The following TMTC1 variants were observed in gnomAD, a reference collection of about 807,000 sequenced individuals.
The protein encoded by TMTC1 is protein O-mannosyl-transferase TMTC1.
In TMTC1, 73 loss-of-function variants were observed where a neutral mutation model predicts 104.8. The observed-to-expected ratio is 0.70, with a 90% CI of 0.58 to 0.85. TMTC1 has a LOEUF of 0.85. Ranked by LOEUF, TMTC1 falls within the 40% of genes least tolerant of loss-of-function variation. The pLI, the probability that TMTC1 is intolerant of heterozygous loss-of-function variation, is 0.00. For synonymous variants in TMTC1, 434 were observed against 428.7 expected (o/e 1.01, Z -0.15); for missense variants, 1,035 against 1,096.1 (o/e 0.94, Z 0.79).
At chr12:29,530,851 C>G (rs1479275167) in intron 11 of TMTC1, among the ~76,000 whole-genome samples, 1 of 152,182 alleles carries the variant, frequency 6.6e-6, no homozygotes. Flanking sequence ...CCTCAGAGCC[C>G]TTAGAGGGTC....
intron 5 of TMTC1, among the ~76,000 whole-genome samples, chr12:29,662,660 C>T (rs1016340679): frequency 2.5e-5 from 3 of 122,130 alleles, no homozygotes; most frequent in African/African-American, 9.8e-5. Context: ...GAGCGAGACT[C>T]CGTCTCAAAA....
intron 1 of TMTC1, among the ~76,000 whole-genome samples, chr12:29,775,437 G>A (rs140876261): frequency 5.3e-5 from 8 of 152,198 alleles, no homozygotes; most frequent in East Asian, 1.9e-4. Context: ...CCTCAGGTTC[G>A]ATCATTCATT....
At chr12:29,591,752 G>T (rs1325457999) in intron 7 of TMTC1, among the ~76,000 whole-genome samples, 8 of 152,174 alleles carry the variant, frequency 5.3e-5, no homozygotes, top group Admixed American at 3.9e-4. Flanking sequence ...CATTCGAAGA[G>T]AATTTAATAG....
At chr12:29,562,167 A>AACAATT (rs1028376291) in intron 9 of TMTC1, among the ~76,000 whole-genome samples, 69 of 152,326 alleles carry the variant, frequency 4.5e-4, no homozygotes, top group African/African-American at 1.6e-3. Context: ...TAATTGTTTG[A>AACAATT]AATTGCCATT....
At chr12:29,545,637 A>T (rs1037047974) in intron 10 of TMTC1, among the ~76,000 whole-genome samples, 16 of 108,160 alleles carry the variant, frequency 1.5e-4, no homozygotes, top group African/African-American at 2.7e-4. Context: ...TGTCACACAC[A>T]CACACACACA....
At chr12:29,748,594 T>C (rs1228289552) in intron 5 of TMTC1, among the ~76,000 whole-genome samples, 2 of 152,230 alleles carry the variant, frequency 1.3e-5, no homozygotes, top group Admixed American at 1.3e-4. Flanking sequence ...CCTCAGTTTC[T>C]TCATAGCAAT....
chr12:29,698,170 G>A (rs1399640248), intron 5 of TMTC1, among the ~76,000 whole-genome samples: 2 of 152,288 alleles, frequency 1.3e-5, no homozygotes, highest in East Asian at 3.9e-4. Context: ...ATTGCAGAGA[G>A]AAGACTGAGG....
intron 7 of TMTC1, among the ~76,000 whole-genome samples, chr12:29,592,701 C>A (rs746189390): frequency 3.3e-5 from 5 of 152,166 alleles, no homozygotes; most frequent in Non-Finnish European, 5.9e-5. Context: ...TGATCCTGGA[C>A]AAATTATTTA....
chr12:29,643,984 AAT>A (rs1939113900), intron 5 of TMTC1, among the ~76,000 whole-genome samples: 1 of 114,990 alleles, frequency 8.7e-6, no homozygotes, highest in Non-Finnish European at 1.6e-5. Context: ...AATATATATA[AAT>A]ATATAATTTA....
intron 5 of TMTC1, among the ~76,000 whole-genome samples, chr12:29,721,692 T>C (rs1165950917): frequency 6.6e-6 from 1 of 152,146 alleles, no homozygotes; most frequent in Non-Finnish European, 1.5e-5. Flanking sequence ...ACCAGCTTGT[T>C]CTTATACACC....
At chr12:29,673,979 G>A (rs905931904) in intron 5 of TMTC1, among the ~76,000 whole-genome samples, 37 of 151,818 alleles carry the variant, frequency 2.4e-4, no homozygotes, top group African/African-American at 8.0e-4. Flanking sequence ...GGCTGGTCTC[G>A]AACTCCCAAT....
intron 5 of TMTC1, among the ~76,000 whole-genome samples, chr12:29,710,262 A>G (rs1465798774): frequency 1.3e-5 from 2 of 152,084 alleles, no homozygotes; most frequent in East Asian, 3.9e-4. Context: ...GGAAATCTCC[A>G]GGCCTGTTAG....
Position 29,633,265 on chromosome 12 carries a change from T to C in TMTC1, c.1010A>G (p.Asp337Gly). Residue 337 changes from aspartate (D) to glycine (G), a missense_variant, in exon 6 of 18, where the codon GAC becomes GGC. Asp to Gly is a moderately conservative substitution (Grantham distance 94). Coordinates refer to ENST00000539277, the MANE Select transcript of TMTC1 (RefSeq NM_001193451.2). The stretch of plus-strand genomic sequence containing the variant: ...CAGAGGAATACTGCCGACCTGCCAG[T>C]CATAGCACAGGGTCACGGGTGCAAG... ...LLLAPVTLCY[D>G]WQVGSIPLVE... 1 of 1,613,950 alleles carries C rather than the reference T, an allele frequency of 6.2e-7. No individual in the cohort carries two copies. The highest frequency in any genetic ancestry group is 8.5e-7 in the Non-Finnish European group (1 of 1,179,976).
chr12:29,582,558 G>T (rs1946010915), intron 8 of TMTC1, among the ~76,000 whole-genome samples: 1 of 152,188 alleles, frequency 6.6e-6, no homozygotes, highest in Non-Finnish European at 1.5e-5. Flanking sequence ...GCTCAAGACG[G>T]ATTTTCCAGA....
chr12:29,547,143 A>G (rs1944964775), intron 10 of TMTC1, among the ~76,000 whole-genome samples: 1 of 152,178 alleles, frequency 6.6e-6, no homozygotes, highest in Non-Finnish European at 1.5e-5. Flanking sequence ...CCTCTGTTAG[A>G]AATATTTATG....
intron 3 of TMTC1, among the ~76,000 whole-genome samples, chr12:29,756,242 G>A (rs917256522): frequency 6.6e-6 from 1 of 152,212 alleles, no homozygotes; most frequent in African/African-American, 2.4e-5. Context: ...TGGGTTCCCT[G>A]CTAACCACAG....
intron 6 of TMTC1, among the ~76,000 whole-genome samples, chr12:29,624,274 C>T (rs1220621303): frequency 1.3e-5 from 2 of 152,120 alleles, no homozygotes; most frequent in Admixed American, 6.5e-5. Context: ...GCCACTGCGC[C>T]CAGCAAGGAC....
chr12:29,783,693 C>A lies in TMTC1; in HGVS notation c.59G>T (p.Arg20Leu), dbSNP rs654825. 0.31 allele frequency: 387,717 copies of A among 1,266,298 alleles called. 61,585 individuals carry two copies. Among genetic ancestry groups the A allele is most frequent in the Non-Finnish European group, 0.33 (329,515 of 1,013,724 alleles). The allele number at this position is 1,266,298 out of a possible 1,614,324, so 78.4% of individuals were successfully genotyped here. A position where few individuals can be genotyped will look rare whatever the true frequency, so the allele number is the denominator to read the frequency against. ...CCCGGCCGGCGCTAGCCCGCAGCCC[C>A]GCCGCCGGGAGGGTGTGCGGTCCCC... Reference protein sequence around the residue: ...GGGDRTPSRRRGCGLAPAGAA... With the variant: ...GGGDRTPSRRLGCGLAPAGAA... The change falls in exon 1 of 18, where the codon CGG becomes CTG. Residue 20 changes from arginine to leucine, a missense_variant. Physicochemically the swap from Arg to Leu is moderately radical, Grantham distance 102. Coordinates refer to ENST00000539277, the MANE Select transcript of TMTC1 (RefSeq NM_001193451.2). This position sits in a 1 kb window ranked among gnomAD's most constrained non-coding sequence, Gnocchi z 4.7.
intron 5 of TMTC1, among the ~76,000 whole-genome samples, chr12:29,644,910 A>T (rs1939199611): frequency 6.6e-6 from 1 of 152,160 alleles, no homozygotes; most frequent in East Asian, 1.9e-4. Flanking sequence ...GTCCCAAAGC[A>T]GACACCACTC....
Sources: gnomAD v4.1 joint callset for allele counts (sites outside exome capture counted in the v4.1 genomes callset) on GRCh38, gnomAD v4.1.1 for gene constraint, Gnocchi (gnomAD v3.1) non-coding constraint, MANE v1.5 for transcripts, NCBI Gene and HGNC (gene_info 2026-07-23, HGNC 2026-07-21) for gene names.